ATXN7L1: variants seen among roughly 807,000 people sequenced by gnomAD.
The protein encoded by ATXN7L1 is ataxin 7 like 1.
A neutral mutation model predicts 70.8 loss-of-function variants in ATXN7L1; 15 were observed. The ratio of observed to expected loss-of-function variants is 0.21; its 90% confidence interval spans 0.14 to 0.33. ATXN7L1 has a LOEUF of 0.33. Ranked by LOEUF, ATXN7L1 falls within the 10% of genes least tolerant of loss-of-function variation. The pLI is 1.00. For synonymous variants in ATXN7L1, 440 were observed against 445.1 expected, an observed-to-expected ratio of 0.99 and a Z score of 0.14; for missense variants, 975 against 1,097.1, an observed-to-expected ratio of 0.89 and a Z score of 1.57.
At position 105,614,921 on chromosome 7, in the gene ATXN7L1, C is replaced by T; in HGVS notation, c.1518-105G>A. 1.5e-6 allele frequency: 2 copies of T among 1,315,070 alleles called. No homozygotes were observed. Among genetic ancestry groups the T allele is most frequent in the Non-Finnish European group, 2.1e-6 (2 of 974,278 alleles). The allele number at this position is 1,315,070 out of a possible 1,614,324, so 81.5% of individuals were successfully genotyped here. A position where few individuals can be genotyped will look rare whatever the true frequency, so the allele number is the denominator to read the frequency against. Reference sequence around the variant, plus strand: ...ATCAGGGCTACAGAGGACACCCCGGCAGAACCAGACTATGGAGAATGGAGC... The same window carrying T: ...ATCAGGGCTACAGAGGACACCCCGGTAGAACCAGACTATGGAGAATGGAGC... On this transcript the variant is annotated intron_variant, in intron 9 of 11. Transcript: ENST00000419735. This position sits in a 1 kb window ranked among gnomAD's most constrained non-coding sequence, Gnocchi z 4.3.
intron 3 of ATXN7L1, among the ~76,000 whole-genome samples, chr7:105,687,691 A>T (rs1205424180): frequency 1.3e-5 from 2 of 152,202 alleles, no homozygotes; most frequent in Non-Finnish European, 2.9e-5. Context: ...CCTAAAAACC[A>T]TGCAAGTTCA....
At chr7:105,704,625 G>GCTCTGTT (rs978285674) in intron 3 of ATXN7L1, among the ~76,000 whole-genome samples, 2 of 110,610 alleles carry the variant, frequency 1.8e-5, no homozygotes, top group African/African-American at 3.6e-5. Context: ...ACAGAGTCTT[G>GCTCTGTT]CTCTGTTGCC....
chr7:105,850,592 T>C (rs1303400739), intron 2 of ATXN7L1, among the ~76,000 whole-genome samples: 3 of 152,252 alleles, frequency 2.0e-5, no homozygotes, highest in African/African-American at 7.2e-5. Context: ...CAGATCTCTC[T>C]GACTTAAGAG....
At position 105,854,018 on chromosome 7, in the gene ATXN7L1, G is replaced by A. The variant is rs147049430; in HGVS notation, c.250+21794C>T. 2.4e-4 allele frequency among the ~76,000 whole-genome samples: 37 copies of A among 152,250 alleles called. No homozygotes were observed. In the East Asian group the frequency reaches 4.4e-3, roughly 18 times the overall value. ...TCTAAGCACCGACTGGCTGAAAGGT[G>A]CCACATCGATTTAAACATCCCCTTC... is the stretch of plus-strand genomic sequence containing the variant. On this transcript the variant is annotated intron_variant, in intron 2 of 11. Transcript: ENST00000419735.
chr7:105,806,808 C>A (rs978053727), intron 2 of ATXN7L1, among the ~76,000 whole-genome samples: 2 of 152,074 alleles, frequency 1.3e-5, no homozygotes, highest in African/African-American at 4.8e-5. Flanking sequence ...AGAGAAGCCA[C>A]GTGGGAAGCA....
At chr7:105,819,239 G>C (rs1401368765) in intron 2 of ATXN7L1, among the ~76,000 whole-genome samples, 1 of 152,072 alleles carries the variant, frequency 6.6e-6, no homozygotes, top group Admixed American at 6.5e-5. Flanking sequence ...CTTGCACAGA[G>C]GGGATAAGTC....
chr7:105,623,340 T>C (rs1795211302), intron 8 of ATXN7L1, among the ~76,000 whole-genome samples: 1 of 152,188 alleles, frequency 6.6e-6, no homozygotes, highest in East Asian at 1.9e-4. Context: ...CATTTGGCTC[T>C]GCAATGGCAG....
At chr7:105,632,684 A>G (rs1562926340) in intron 7 of ATXN7L1, among the ~76,000 whole-genome samples, 1 of 152,078 alleles carries the variant, frequency 6.6e-6, no homozygotes, top group Non-Finnish European at 1.5e-5. Context: ...GCACTTTGGG[A>G]GGCTGAGGGC....
chr7:105,678,027 A>C, intron 3 of ATXN7L1: 1 of 985,272 alleles, frequency 1.0e-6, no homozygotes, highest in Non-Finnish European at 1.2e-6. Context: ...TGGCAGCGGC[A>C]AACAGGAAGT....
At chr7:105,853,553 C>CA (rs1815223347) in intron 2 of ATXN7L1, among the ~76,000 whole-genome samples, 1 of 148,828 alleles carries the variant, frequency 6.7e-6, no homozygotes, top group Admixed American at 6.7e-5. Context: ...GACTCGGTCT[C>CA]AAAAAACAAA....
rs574706042 is a variant in ATXN7L1 at position 105,615,958 on chromosome 7, T to A, written c.1518-1142A>T. Among the ~76,000 whole-genome samples the A allele has an allele frequency of 4.6e-5, 7 of 152,310 alleles. No individual in the cohort carries two copies. The South Asian group carries it at 1.5e-3, about 32-fold the overall frequency. The stretch of plus-strand genomic sequence containing the variant: ...CAGCCTGGGGTGCTGCTGCTGCTAC[T>A]CTGGGGACCGGGAGGAGGCACACGG... On this transcript the variant is annotated intron_variant, in intron 9 of 11. Transcript: ENST00000419735.
intron 2 of ATXN7L1, among the ~76,000 whole-genome samples, chr7:105,866,160 C>A (rs978590103): frequency 6.6e-6 from 1 of 152,116 alleles, no homozygotes; most frequent in African/African-American, 2.4e-5. Context: ...AACTCACACT[C>A]CCCCTACAGT....
chr7:105,637,705 G>A (rs1797591887), intron 7 of ATXN7L1, among the ~76,000 whole-genome samples: 1 of 152,148 alleles, frequency 6.6e-6, no homozygotes, highest in Non-Finnish European at 1.5e-5. Flanking sequence ...TGTTAATTCT[G>A]TTTTCTATTT....
chr7:105,847,236 A>T (rs1814188035), intron 2 of ATXN7L1, among the ~76,000 whole-genome samples: 1 of 152,216 alleles, frequency 6.6e-6, no homozygotes, highest in Non-Finnish European at 1.5e-5. Flanking sequence ...ACCAGTTACC[A>T]TGTGCACTCC....
intron 3 of ATXN7L1, among the ~76,000 whole-genome samples, chr7:105,720,618 C>G (rs1053070394): frequency 6.6e-6 from 1 of 152,072 alleles, no homozygotes; most frequent in East Asian, 1.9e-4. Context: ...GATGAGATCT[C>G]ATTACATTGC....
At chr7:105,652,227 G>A (rs1028546020) in intron 4 of ATXN7L1, among the ~76,000 whole-genome samples, 13 of 152,244 alleles carry the variant, frequency 8.5e-5, no homozygotes, top group Middle Eastern at 3.4e-3. Flanking sequence ...CCTTGGGCAG[G>A]GAGTCCAGGA....
chr7:105,826,285 T>C (rs539424012), intron 2 of ATXN7L1, among the ~76,000 whole-genome samples: 1 of 152,338 alleles, frequency 6.6e-6, no homozygotes, highest in Admixed American at 6.5e-5. Context: ...TCTGGCTCAA[T>C]GTCTGTCACC....
At chr7:105,830,205 G>A (rs1811411691) in intron 2 of ATXN7L1, among the ~76,000 whole-genome samples, 1 of 152,258 alleles carries the variant, frequency 6.6e-6, no homozygotes, top group African/African-American at 2.4e-5. Flanking sequence ...CTATGGCAGA[G>A]CTGGAAGAGG....
intron 2 of ATXN7L1, among the ~76,000 whole-genome samples, chr7:105,825,171 A>C (rs753684539): frequency 2.0e-5 from 3 of 152,218 alleles, no homozygotes; most frequent in Non-Finnish European, 4.4e-5. Context: ...ATTACTAATC[A>C]AGTCTGAGGA....
Sources: gnomAD v4.1 joint callset for allele counts (sites outside exome capture counted in the v4.1 genomes callset) on GRCh38, gnomAD v4.1.1 for gene constraint, Gnocchi (gnomAD v3.1) non-coding constraint, MANE v1.5 for transcripts, NCBI Gene and HGNC (gene_info 2026-07-23, HGNC 2026-07-21) for gene names.